TMEM232: variants seen among roughly 807,000 people sequenced by gnomAD.
TMEM232 encodes the protein transmembrane protein 232.
A neutral mutation model predicts 78.8 loss-of-function variants in TMEM232; 80 were observed. The ratio of observed to expected loss-of-function variants is 1.01; its 90% CI spans 0.85 to 1.22. The LOEUF is 1.22. Among genes scored for constraint, TMEM232 ranks in the 50% most tolerant of loss-of-function variants. The pLI is 0.00. For missense variants in TMEM232, 881 were observed against 742.2 expected, an observed-to-expected ratio of 1.19 and a Z score of -2.17; for synonymous variants, 297 against 254.3, an observed-to-expected ratio of 1.17 and a Z score of -1.60.
At chr5:110,615,979 G>C (rs991962443) in intron 8 of TMEM232, among the ~76,000 whole-genome samples, 1 of 151,844 alleles carries the variant, frequency 6.6e-6, no homozygotes, top group Non-Finnish European at 1.5e-5. Context: ...AATTAATATT[G>C]ATAAAATGTC....
intron 12 of TMEM232, among the ~76,000 whole-genome samples, chr5:110,439,867 C>T (rs1374695927): frequency 6.6e-6 from 1 of 152,122 alleles, no homozygotes; most frequent in Non-Finnish European, 1.5e-5. Context: ...ATTACAGAAT[C>T]ATTGTCTACT....
At chr5:110,678,350 C>T (rs1268471814) in intron 1 of TMEM232, among the ~76,000 whole-genome samples, 2 of 152,140 alleles carry the variant, frequency 1.3e-5, no homozygotes, top group Non-Finnish European at 2.9e-5. Flanking sequence ...CAGGTGTGAG[C>T]CACCATGCCT....
chr5:110,407,864 C>T (rs1381101807), intron 2 of TMEM232, among the ~76,000 whole-genome samples: 1 of 151,942 alleles, frequency 6.6e-6, no homozygotes, highest in Non-Finnish European at 1.5e-5. Flanking sequence ...ATCAAAAAAC[C>T]AGAGGGACCT....
chr5:110,414,533 T>G (rs1756117256), downstream of TMEM232, among the ~76,000 whole-genome samples: 1 of 152,152 alleles, frequency 6.6e-6, no homozygotes, highest in Non-Finnish European at 1.5e-5. Context: ...AAGAGAAAAT[T>G]TAGTTTCTAG....
At chr5:110,468,804 G>GTAAC (rs1762364444) in intron 12 of TMEM232, among the ~76,000 whole-genome samples, 1 of 152,078 alleles carries the variant, frequency 6.6e-6, no homozygotes. Context: ...CTTAGTTCTT[G>GTAAC]TAACTACCAC....
intron 12 of TMEM232, among the ~76,000 whole-genome samples, chr5:110,478,142 G>A (rs1382345186): frequency 6.6e-6 from 1 of 151,810 alleles, no homozygotes; most frequent in African/African-American, 2.4e-5. Flanking sequence ...TGTATCCCAC[G>A]CTATGAATTT....
chr5:110,573,712 A>G (rs925131767), intron 10 of TMEM232, among the ~76,000 whole-genome samples: 1 of 152,132 alleles, frequency 6.6e-6, no homozygotes, highest in East Asian at 1.9e-4. Context: ...AATGAGAGCA[A>G]AACTTCCATG....
intron 12 of TMEM232, among the ~76,000 whole-genome samples, chr5:110,511,473 T>G (rs1313521041): frequency 2.6e-5 from 4 of 151,892 alleles, no homozygotes; most frequent in South Asian, 4.1e-4. Flanking sequence ...AAAATGATAT[T>G]AAGTAATAAT....
chr5:110,655,975 G>A (rs1788990713), intron 2 of TMEM232, among the ~76,000 whole-genome samples: 1 of 151,096 alleles, frequency 6.6e-6, no homozygotes, highest in Middle Eastern at 3.4e-3. Flanking sequence ...GTTAGTGGGT[G>A]CAGCACACCA....
At chr5:110,583,966 C>CAAAAAAAAA (rs60079206) in intron 10 of TMEM232, among the ~76,000 whole-genome samples, 7 of 99,050 alleles carry the variant, frequency 7.1e-5, no homozygotes, top group South Asian at 3.2e-4. Flanking sequence ...TATCTATTAT[C>CAAAAAAAAA]AAAAAAAAAA....
chr5:110,495,687 T>G (rs1311715599), intron 12 of TMEM232, among the ~76,000 whole-genome samples: 1 of 151,806 alleles, frequency 6.6e-6, no homozygotes, highest in Non-Finnish European at 1.5e-5. Context: ...ATAAAATATT[T>G]TCTTTGACTC....
chr5:110,539,815 G>C lies in TMEM232; in HGVS notation c.1456-10980C>G, dbSNP rs115449917. ...ACAAAGTGTCCAAAAGGAAGGCTTA[G>C]AATAACCTTCAACAGGTCCAATATT... On this transcript the variant is annotated intron_variant, in intron 11 of 13. Transcript: ENST00000455884. Among the ~76,000 whole-genome samples, 1,127 of 152,254 alleles carry C rather than the reference G, an allele frequency of 7.4e-3. 14 individuals carry two copies. Among genetic ancestry groups the C allele is most frequent in the African/African-American group, 0.025 (1,048 of 41,548 alleles).
chr5:110,505,059 C>A (rs571074622), intron 12 of TMEM232, among the ~76,000 whole-genome samples: 29 of 152,286 alleles, frequency 1.9e-4, no homozygotes, highest in African/African-American at 6.5e-4. Flanking sequence ...AGTGTTGCTA[C>A]ATCTCTTTGA....
At chr5:110,608,579 T>C (rs866047626) in intron 8 of TMEM232, among the ~76,000 whole-genome samples, 1 of 152,064 alleles carries the variant, frequency 6.6e-6, no homozygotes, top group Non-Finnish European at 1.5e-5. Context: ...TAACCTAGGA[T>C]AGTCTCATTG....
intron 11 of TMEM232, among the ~76,000 whole-genome samples, chr5:110,558,343 T>G (rs1775346940): frequency 6.6e-6 from 1 of 152,098 alleles, no homozygotes; most frequent in African/African-American, 2.4e-5. Context: ...TGTGTGACAG[T>G]GCGCATGCCA....
chr5:110,504,463 T>C (rs1019844675), intron 12 of TMEM232, among the ~76,000 whole-genome samples: 1 of 152,030 alleles, frequency 6.6e-6, no homozygotes, highest in African/African-American at 2.4e-5. Context: ...AGGATATGAG[T>C]AGGTGTAAAC....
intron 12 of TMEM232, among the ~76,000 whole-genome samples, chr5:110,452,902 T>C (rs769708715): frequency 1.1e-4 from 16 of 152,242 alleles, no homozygotes; most frequent in Non-Finnish European, 2.2e-4. Context: ...GTAAAAGTAC[T>C]GTGCATTAAT....
At chr5:110,520,576 T>C (rs1174391007) in intron 12 of TMEM232, among the ~76,000 whole-genome samples, 1 of 152,212 alleles carries the variant, frequency 6.6e-6, no homozygotes, top group African/African-American at 2.4e-5. Context: ...AGAAGAGTTT[T>C]GTTCCATCCT....
chr5:110,647,507 G>T lies in TMEM232; in HGVS notation c.126-5136C>A, dbSNP rs865891403. 2.0e-5 allele frequency among the ~76,000 whole-genome samples: 3 copies of T among 151,848 alleles called. No homozygotes were observed. In the Middle Eastern group the frequency reaches 0.01, roughly 516 times the overall value. ...ATGTTATTATTGCTTATTTTATTGTGTAAAAATATGAAGTTTTTTGTCGTG... is the reference window on the plus strand; with the variant it reads ...ATGTTATTATTGCTTATTTTATTGTTTAAAAATATGAAGTTTTTTGTCGTG... On this transcript the variant is annotated intron_variant, in intron 2 of 13. Transcript: ENST00000455884.
Sources: gnomAD v4.1 joint callset for allele counts (sites outside exome capture counted in the v4.1 genomes callset) on GRCh38, gnomAD v4.1.1 for gene constraint, MANE v1.5 for transcripts, NCBI Gene and HGNC (gene_info 2026-07-23, HGNC 2026-07-21) for gene names.